Variants in ZNF831 observed in about 807,000 individuals in gnomAD.
ZNF831 encodes the protein zinc finger protein 831, also known as chromosome 20 open reading frame 174.
A neutral mutation model predicts 95.8 loss-of-function variants in ZNF831; 59 were observed. The ratio of observed to expected loss-of-function variants is 0.62; its 90% CI spans 0.50 to 0.77. The LOEUF is 0.77. ZNF831 is among the 30% of genes least tolerant of loss of function. The pLI, the probability that ZNF831 is intolerant of heterozygous loss-of-function variation, is 0.00. For synonymous variants in ZNF831, 961 were observed against 925.5 expected (o/e 1.04, Z -0.70); for missense variants, 2,205 against 2,164.0 (o/e 1.02, Z -0.38).
chr20:59,239,887 G>A (rs1448257335), intron 4 of ZNF831, among the ~76,000 whole-genome samples: 1 of 152,194 alleles, frequency 6.6e-6, no homozygotes, highest in Admixed American at 6.5e-5. Context: ...TCTATTGAGA[G>A]AAGATTCTGG....
intron 4 of ZNF831, among the ~76,000 whole-genome samples, chr20:59,237,118 T>TGG: frequency 6.6e-6 from 1 of 152,328 alleles, no homozygotes; most frequent in African/African-American, 2.4e-5. Context: ...AGAAAGAACC[T>TGG]TCATAATAAT....
In ZNF831 at chr20:59,169,541, G is replaced by A. The variant is rs1299855502; in HGVS notation, c.-37+5334G>A. ...AGCACTTTGGGAGGCTGAGATGGGT[G>A]GATCACTTGAGGCCAGGAGTTCGAA... is the stretch of plus-strand genomic sequence containing the variant. On this transcript the variant is annotated intron_variant, in intron 1 of 5. Transcript: ENST00000371030. This position sits in a 1 kb window ranked among gnomAD's most constrained non-coding sequence, Gnocchi z 4.1. 1.3e-5 allele frequency among the ~76,000 whole-genome samples: 2 copies of A among 152,144 alleles called. No individual in the cohort carries two copies. The highest frequency in any genetic ancestry group is 2.9e-5 in the Non-Finnish European group (2 of 68,028).
rs143620250 is a variant in ZNF831 at position 59,191,411 on chromosome 20, C to T, written c.392C>T (p.Thr131Met). ...GTCCTGTCGCCGGGCCTGGGCCCCA[C>T]GCTGGGCAGCCCAGGCAAGGTGCGG... is the stretch of plus-strand genomic sequence containing the variant. ...LPVLSPGLGP[T>M]LGSPGKVRNA... Residue 131 changes from threonine to methionine, a missense_variant, in exon 2 of 6, where the codon ACG (threonine) becomes ATG (methionine). Transcript: ENST00000371030. The T allele has an allele frequency of 2.9e-5, 47 of 1,610,998 alleles. No individual in the cohort carries two copies. The African/African-American group carries it at 5.9e-4, about 20-fold the overall frequency.
chr20:59,133,661 A>G (rs1245281474), intron 1 of ZNF831, among the ~76,000 whole-genome samples: 1 of 152,272 alleles, frequency 6.6e-6, no homozygotes. Context: ...AGGCTGGTTG[A>G]CCAAGTGAGG....
rs545635775 is a variant in ZNF831 at position 59,197,865 on chromosome 20, CTGGGAAACAAGGGACATCGGCTAG to C, written c.3875+1864_3875+1887del. 2.4e-3 allele frequency among the ~76,000 whole-genome samples: 367 copies of C among 152,258 alleles called. 2 individuals carry two copies. Among genetic ancestry groups the C allele is most frequent in the South Asian group, 0.016 (79 of 4,818 alleles). The stretch of plus-strand genomic sequence containing the variant: ...AGACGGAGGAGCTGCATGCGGGGCT[CTGGGAAACAAGGGACATCGGCTAG>C]TGGTTGTGGTCCTCCTCAGTATCTC... On this transcript the variant is annotated intron_variant, in intron 3 of 5. Coordinates refer to ENST00000371030, the MANE Select transcript of ZNF831 (RefSeq NM_178457.3).
intron 1 of ZNF831, among the ~76,000 whole-genome samples, chr20:59,189,486 T>A (rs1395383156): frequency 6.6e-6 from 1 of 152,134 alleles, no homozygotes; most frequent in African/African-American, 2.4e-5. Context: ...TGCTGCTACT[T>A]CTATGTTTTT....
In ZNF831 at chr20:59,225,437, A is replaced by G. The variant is rs977854400; in HGVS notation, c.4027+18381A>G. Among the ~76,000 whole-genome samples, 14 of 152,216 alleles carry G rather than the reference A, an allele frequency of 9.2e-5. No individual in the cohort carries two copies. The South Asian group carries it at 2.9e-3, about 32-fold the overall frequency. ...ACTCAATAAATTTGTGGAGTCACCA[A>G]GCAGTCATCTGTGTAGTTTGATAAG... On this transcript the variant is annotated intron_variant, in intron 4 of 5. Transcript: ENST00000371030.
At chr20:59,134,039 G>T (rs962717442) in intron 1 of ZNF831, among the ~76,000 whole-genome samples, 2 of 152,198 alleles carry the variant, frequency 1.3e-5, no homozygotes, top group Admixed American at 6.5e-5. Flanking sequence ...GCTCCTCCTT[G>T]GTTCCCAGCA....
rs1983833860 is a variant in ZNF831, at chr20:59,193,826, C to T, written c.2807C>T (p.Ala936Val). Reference sequence around the variant, plus strand: ...GTGCTCTCTGCCCTGGCAGATAATGCCTTTTCCCCCAAGTACCTCCTCAGG... The same window carrying T: ...GTGCTCTCTGCCCTGGCAGATAATGTCTTTTCCCCCAAGTACCTCCTCAGG... ...PRVLSALADN[A>V]FSPKYLLRLP... The change falls in exon 2 of 6, where the codon GCC (alanine) becomes GTC (valine). Residue 936 changes from alanine to valine, a missense_variant. Ala to Val is a moderately conservative substitution (Grantham distance 64, BLOSUM62 0). Transcript: ENST00000371030. 1 of 1,612,986 alleles carries T rather than the reference C, an allele frequency of 6.2e-7. No individual in the cohort carries two copies. The highest frequency in any genetic ancestry group is 8.5e-7 in the Non-Finnish European group (1 of 1,179,460).
chr20:59,146,215 T>G (rs116914671), intron 1 of ZNF831: 1 of 152,198 alleles, frequency 6.6e-6, no homozygotes, highest in East Asian at 1.9e-4. Context: ...CAATTTTTCT[T>G]TTTTTAAATT....
intron 4 of ZNF831, among the ~76,000 whole-genome samples, chr20:59,213,984 A>G (rs1985514668): frequency 6.6e-6 from 1 of 152,222 alleles, no homozygotes; most frequent in South Asian, 2.1e-4. Context: ...CTGGCCCCCA[A>G]GGCACAATCC....
intron 4 of ZNF831, among the ~76,000 whole-genome samples, chr20:59,249,108 A>G (rs1987758144): frequency 1.3e-5 from 2 of 151,880 alleles, no homozygotes; most frequent in Admixed American, 6.6e-5. Context: ...AGGTCTCTGT[A>G]TTGTTCCTTC....
chr20:59,186,316 G>A (rs541570554), intron 1 of ZNF831, among the ~76,000 whole-genome samples: 4 of 152,252 alleles, frequency 2.6e-5, no homozygotes, highest in East Asian at 3.9e-4. Flanking sequence ...TGCTAGAGGC[G>A]ATGCATGGAG....
At chr20:59,223,595 G>A (rs73309056) in intron 4 of ZNF831, among the ~76,000 whole-genome samples, 2,014 of 152,252 alleles carry the variant, frequency 0.013, 40 homozygotes, top group African/African-American at 0.047. Context: ...TCATCCTAGG[G>A]ACGTGTCTCA....
chr20:59,241,418 C>T lies in ZNF831; in HGVS notation c.4028-11560C>T, dbSNP rs140899831. Among the ~76,000 whole-genome samples the T allele has an allele frequency of 1.1e-3, 174 of 152,024 alleles. 1 individual carries two copies. Among genetic ancestry groups the T allele is most frequent in the African/African-American group, 3.9e-3 (160 of 41,466 alleles). ...AGGGTTGCAGTTCCCGAAGTACTCT[C>T]TCTTTTGAGGTGGAAATCTTGAGAA... On this transcript the variant is annotated intron_variant, in intron 4 of 5. Coordinates refer to ENST00000371030, the MANE Select transcript of ZNF831 (RefSeq NM_178457.3).
rs550937304 is a variant in ZNF831, at chr20:59,247,272, C to T, written c.4028-5706C>T. ...TTGGGTTGGGGTCCTATTTCATGGCCACCCAGCACCTTCGTGCTTTTTCTT... is the reference window on the plus strand; with the variant it reads ...TTGGGTTGGGGTCCTATTTCATGGCTACCCAGCACCTTCGTGCTTTTTCTT... On this transcript the variant is annotated intron_variant, in intron 4 of 5. Transcript: ENST00000371030. Among the ~76,000 whole-genome samples the T allele has an allele frequency of 3.3e-5, 5 of 152,290 alleles. No individual in the cohort carries two copies. The East Asian group carries it at 7.7e-4, about 23-fold the overall frequency.
intron 3 of ZNF831, among the ~76,000 whole-genome samples, chr20:59,197,197 C>G (rs1984186317): frequency 6.6e-6 from 1 of 152,112 alleles, no homozygotes; most frequent in Non-Finnish European, 1.5e-5. Context: ...TCTTTTGGTT[C>G]CCCCTCCTGC....
At chr20:59,128,963 G>A (rs539649994) in intron 1 of ZNF831, among the ~76,000 whole-genome samples, 1 of 152,136 alleles carries the variant, frequency 6.6e-6, no homozygotes, top group African/African-American at 2.4e-5. Context: ...GGTTTCACCC[G>A]TTGTTGGCCA....
At chr20:59,211,065 A>AAAAAAAAAAAAAAAAC (rs753979009) in intron 4 of ZNF831, among the ~76,000 whole-genome samples, 3 of 77,546 alleles carry the variant, frequency 3.9e-5, no homozygotes, top group African/African-American at 2.4e-4. Context: ...AAAAAAAAAA[A>AAAAAAAAAAAAAAAAC]CAAATCCAAG....
Sources: allele counts gnomAD v4.1 joint callset (sites outside exome capture counted in the v4.1 genomes callset), GRCh38; gene constraint gnomAD v4.1.1; non-coding constraint Gnocchi (gnomAD v3.1); transcripts MANE v1.5; gene names NCBI Gene and HGNC (gene_info 2026-07-23, HGNC 2026-07-21).